Variants in PLCXD1 observed in about 807,000 individuals in gnomAD.
PLCXD1 encodes phosphatidylinositol specific phospholipase C X domain containing 1.
PLCXD1 carries 45 observed loss-of-function variants against 37.8 expected under a neutral mutation model. The ratio of observed to expected loss-of-function variants is 1.19; its 90% CI spans 0.94 to 1.53. The LOEUF is 1.53. Among genes scored for constraint, PLCXD1 ranks in the 40% most tolerant of loss-of-function variants. The probability of loss-of-function intolerance (pLI) is 0.00; values close to 1 mark genes in which losing one functional copy is unlikely to be tolerated. For synonymous variants in PLCXD1, 246 were observed against 206.9 expected (o/e 1.19, Z -1.62); for missense variants, 539 against 454.7 (o/e 1.19, Z -1.69).
chrX:277,068 T>C (rs2069170912), upstream of PLCXD1, among the ~76,000 whole-genome samples: 1 of 152,102 alleles, frequency 6.6e-6, no homozygotes, highest in Admixed American at 6.5e-5. Context: ...CAGTGCTCCG[T>C]GGGACGGCCT....
At chrX:279,745 G>A (rs2069222448), upstream of PLCXD1, among the ~76,000 whole-genome samples, 1 of 149,696 alleles carries the variant, frequency 6.7e-6, no homozygotes, top group South Asian at 2.1e-4. Context: ...CTGCACACCA[G>A]TCTGCGCAAC....
At chrX:282,849 A>C (rs887867124) in intron 1 of PLCXD1, among the ~76,000 whole-genome samples, 2 of 146,200 alleles carry the variant, frequency 1.4e-5, no homozygotes, top group Non-Finnish European at 3.0e-5. Flanking sequence ...TTATATATGT[A>C]TATATAGTGA....
At chrX:292,932 A>C in intron 5 of PLCXD1, 103 bp from the exon 6 acceptor site, 1 of 755,732 alleles carries the variant, frequency 1.3e-6, no homozygotes, top group Non-Finnish European at 2.2e-6. Flanking sequence ...TTTTTGGTTT[A>C]TACTCGTGTT....
upstream of PLCXD1, among the ~76,000 whole-genome samples, chrX:278,493 C>G (rs2124283462): frequency 6.6e-6 from 1 of 152,182 alleles, no homozygotes; most frequent in African/African-American, 2.4e-5. Flanking sequence ...CATCCCAGCA[C>G]TTTGGGAGGC....
chrX:282,944 ATT>A (rs1491559265), intron 1 of PLCXD1, among the ~76,000 whole-genome samples: 14 of 86,164 alleles, frequency 1.6e-4, no homozygotes, highest in South Asian at 7.0e-4. Flanking sequence ...TTATATATAT[ATT>A]ATATATATAT....
At chrX:299,015 C>G in intron 6 of PLCXD1, 82 bp from the exon 7 acceptor site, 2 of 1,039,858 alleles carry the variant, frequency 1.9e-6, no homozygotes, top group South Asian at 2.5e-5. Flanking sequence ...GAGATGCGAA[C>G]CTCTAATAAT....
At chrX:276,650 A>G (rs1411804923), upstream of PLCXD1, among the ~76,000 whole-genome samples, 2 of 152,154 alleles carry the variant, frequency 1.3e-5, no homozygotes, top group African/African-American at 4.8e-5. Context: ...CTGCCGGGTC[A>G]GAGCCGCGGA....
intron 6 of PLCXD1, among the ~76,000 whole-genome samples, chrX:296,075 G>C (rs112423545): frequency 0.091 from 13,786 of 152,044 alleles, 686 homozygotes; most frequent in Non-Finnish European, 0.11. Flanking sequence ...GCCTCCCAAA[G>C]TGGTGGGATT....
chrX:291,804 G>C, intron 5 of PLCXD1, 150 bp downstream of exon 5: 1 of 891,038 alleles, frequency 1.1e-6, no homozygotes, highest in Non-Finnish European at 1.8e-6. Context: ...CTCCCGCAGT[G>C]TGGGGGGCCC....
chrX:294,149 C>T (rs1052243812), intron 6 of PLCXD1, among the ~76,000 whole-genome samples: 7 of 152,062 alleles, frequency 4.6e-5, no homozygotes, highest in South Asian at 2.1e-4. Context: ...ACCAGCCTGG[C>T]CAACATGGCG....
At chrX:290,308 C>T (rs1244857385) in intron 3 of PLCXD1, among the ~76,000 whole-genome samples, 12 of 151,966 alleles carry the variant, frequency 7.9e-5, no homozygotes, top group South Asian at 2.1e-4. Flanking sequence ...CGGGCGCCTG[C>T]AGTCCCAGCT....
At chrX:282,964 G>T (rs1472083545) in intron 1 of PLCXD1, among the ~76,000 whole-genome samples, 2 of 143,794 alleles carry the variant, frequency 1.4e-5, no homozygotes, top group South Asian at 2.1e-4. Flanking sequence ...TATTATATAT[G>T]TATATATTAT....
At chrX:288,370 T>C (rs1159200100) in intron 2 of PLCXD1, among the ~76,000 whole-genome samples, 1 of 151,476 alleles carries the variant, frequency 6.6e-6, no homozygotes, top group Non-Finnish European at 1.5e-5. Flanking sequence ...CAGGCATCCC[T>C]GGGCTTGTGG....
chrX:296,492 T>C (rs28670196), intron 6 of PLCXD1, among the ~76,000 whole-genome samples: 112,198 of 152,106 alleles, frequency 0.74, 42,478 homozygotes, highest in African/African-American at 0.91. Flanking sequence ...CGTCTCTGGC[T>C]GTGGAATCAG....
chrX:299,670 C>T lies in PLCXD1; in HGVS notation c.*335C>T, dbSNP rs1310744810. Reference sequence around the variant, plus strand: ...TACTCGGGAGGCTCAGGCAGGAGAACTGCTTGAAGCCGGGAGATGGAGGTT... The same window carrying T: ...TACTCGGGAGGCTCAGGCAGGAGAATTGCTTGAAGCCGGGAGATGGAGGTT... On this transcript the variant is annotated 3_prime_UTR_variant, in exon 7 of 7. Transcript: ENST00000381657. 10 of 428,822 alleles carry T rather than the reference C, an allele frequency of 2.3e-5. No homozygotes were observed. The highest frequency in any genetic ancestry group is 4.5e-5 in the East Asian group (1 of 22,200). 26.6% of individuals were successfully genotyped at this position (428,822 alleles called of 1,614,324 possible).
In PLCXD1 at chrX:284,260, TCGGCACTGTGTCCC is replaced by T. The variant is rs2069373102; in HGVS notation, c.78_91del (p.Cys28GlyfsTer171). 1 of 1,613,174 alleles carries T rather than the reference TCGGCACTGTGTCCC, an allele frequency of 6.2e-7. No individual in the cohort carries two copies. The highest frequency in any genetic ancestry group is 1.3e-5 in the African/African-American group (1 of 74,904). The stretch of plus-strand genomic sequence containing the variant: ...CAGAAATGCCAACGAGGACTGGATG[TCGGCACTGTGTCCC>T]CGGCTCTGGGATGTGCCCCTCCACC... On this transcript the variant is annotated frameshift_variant, in exon 2 of 7. Transcript: ENST00000381657. LOFTEE classifies it high-confidence loss of function.
chrX:295,496 C>T (rs1232207189), intron 6 of PLCXD1, among the ~76,000 whole-genome samples: 2 of 103,188 alleles, frequency 1.9e-5, no homozygotes, highest in Admixed American at 1.9e-4. Flanking sequence ...TGCCCTCACA[C>T]AGGAACGAGG....
intron 6 of PLCXD1, among the ~76,000 whole-genome samples, chrX:294,277 T>C (rs2069730924): frequency 6.6e-6 from 1 of 151,450 alleles, no homozygotes; most frequent in Non-Finnish European, 1.5e-5. Flanking sequence ...GGTCAGGAGA[T>C]CGAGACCATC....
At chrX:290,088 G>C (rs1321727265) in intron 3 of PLCXD1, among the ~76,000 whole-genome samples, 1 of 152,044 alleles carries the variant, frequency 6.6e-6, no homozygotes, top group East Asian at 2.0e-4. Context: ...CTCCCGGGCA[G>C]CTGGGACTAC....
Sources: gnomAD v4.1 joint callset for allele counts (sites outside exome capture counted in the v4.1 genomes callset) on GRCh38, gnomAD v4.1.1 for gene constraint, MANE v1.5 for transcripts, NCBI Gene and HGNC (gene_info 2026-07-23, HGNC 2026-07-21) for gene names.